Variants in EIF3H observed in about 807,000 individuals in gnomAD.
EIF3H encodes eukaryotic translation initiation factor 3 subunit H, also known as eIF-3-gamma.
In EIF3H, 26 loss-of-function variants were observed where a neutral mutation model predicts 44.2. That is an observed-to-expected ratio of 0.59 (90% CI 0.43 to 0.82). EIF3H has a LOEUF of 0.82. EIF3H is among the 40% of genes least tolerant of loss of function. The pLI is 0.00. For synonymous variants in EIF3H, 166 were observed against 151.9 expected, an observed-to-expected ratio of 1.09 and a Z score of -0.68; for missense variants, 359 against 432.8, an observed-to-expected ratio of 0.83 and a Z score of 1.51.
At chr8:116,664,209 A>T (rs1191651024) in intron 2 of EIF3H, among the ~76,000 whole-genome samples, 1 of 152,196 alleles carries the variant, frequency 6.6e-6, no homozygotes, top group African/African-American at 2.4e-5. Context: ...TCTTTGCAAA[A>T]CAGTCCATTT....
chr8:116,713,004 G>A (rs942428957), intron 2 of EIF3H, among the ~76,000 whole-genome samples: 28 of 151,956 alleles, frequency 1.8e-4, no homozygotes, highest in Non-Finnish European at 2.4e-4. Flanking sequence ...CTGTAATTGT[G>A]ACTTTTTGAC....
At chr8:116,660,800 C>A (rs150798127) in intron 2 of EIF3H, among the ~76,000 whole-genome samples, 3 of 152,268 alleles carry the variant, frequency 2.0e-5, no homozygotes, top group East Asian at 3.9e-4. Flanking sequence ...AGATACCAGA[C>A]ACCAGACACT....
intron 3 of EIF3H, 71 bp from the exon 4 acceptor site, chr8:116,657,385 G>T: frequency 1.8e-6 from 2 of 1,132,392 alleles, no homozygotes; most frequent in South Asian, 1.3e-5. Flanking sequence ...ATTGGTTCTA[G>T]GCACATTCTG....
intron 1 of EIF3H, among the ~76,000 whole-genome samples, chr8:116,744,184 G>A (rs964644318): frequency 9.5e-5 from 14 of 147,194 alleles, no homozygotes; most frequent in East Asian, 3.9e-4. Context: ...ATCAGATGGC[G>A]ACAGGGAGAG....
chr8:116,743,187 C>T (rs936579388), intron 1 of EIF3H, among the ~76,000 whole-genome samples: 1 of 152,190 alleles, frequency 6.6e-6, no homozygotes, highest in Non-Finnish European at 1.5e-5. Flanking sequence ...TGGTGGCTCA[C>T]ACCTGTAATA....
chr8:116,749,660 CTGTATT>C (rs1201187398), intron 1 of EIF3H, among the ~76,000 whole-genome samples: 1 of 152,134 alleles, frequency 6.6e-6, no homozygotes, highest in Non-Finnish European at 1.5e-5. Context: ...TTTAACTCAT[CTGTATT>C]TGTTACAACT....
At chr8:116,656,936 CT>C (rs1450310998) in intron 4 of EIF3H, among the ~76,000 whole-genome samples, 4 of 152,212 alleles carry the variant, frequency 2.6e-5, no homozygotes, top group Non-Finnish European at 4.4e-5. Flanking sequence ...CTCTTTCCAC[CT>C]CCCTTTATTC....
intron 2 of EIF3H, among the ~76,000 whole-genome samples, chr8:116,673,895 C>T (rs1180021224): frequency 6.6e-6 from 1 of 151,658 alleles, no homozygotes; most frequent in Non-Finnish European, 1.5e-5. Context: ...ATGGTGAAAC[C>T]CCGTCGCTAC....
intron 2 of EIF3H, among the ~76,000 whole-genome samples, chr8:116,689,883 T>C (rs1814144187): frequency 6.6e-6 from 1 of 152,250 alleles, no homozygotes; most frequent in Middle Eastern, 3.4e-3. Flanking sequence ...AATGGCACAA[T>C]AGGAAAAGTA....
intron 2 of EIF3H, among the ~76,000 whole-genome samples, chr8:116,700,981 G>A (rs1032593819): frequency 6.6e-6 from 1 of 152,094 alleles, no homozygotes; most frequent in Non-Finnish European, 1.5e-5. Context: ...AATTTATATT[G>A]TTAAATTACT....
intron 2 of EIF3H, chr8:116,689,255 G>C: frequency 3.5e-6 from 1 of 285,670 alleles, no homozygotes; most frequent in Non-Finnish European, 7.2e-6. Context: ...ATGTAGATTT[G>C]AGGATACCAG....
intron 2 of EIF3H, among the ~76,000 whole-genome samples, chr8:116,686,020 C>A (rs988385167): frequency 6.6e-6 from 1 of 152,066 alleles, no homozygotes; most frequent in Non-Finnish European, 1.5e-5. Context: ...CATTAGTACC[C>A]ATGAAAAAGA....
chr8:116,757,698 C>A (rs1815472881), upstream of EIF3H, among the ~76,000 whole-genome samples: 1 of 151,360 alleles, frequency 6.6e-6, no homozygotes, highest in Non-Finnish European at 1.5e-5. Context: ...CAATCTTAAG[C>A]CCAAATATAT....
intron 2 of EIF3H, among the ~76,000 whole-genome samples, chr8:116,719,874 G>A (rs995297538): frequency 1.1e-4 from 16 of 152,030 alleles, no homozygotes; most frequent in Admixed American, 5.2e-4. Flanking sequence ...TTTCAGATAC[G>A]GAATAATGAC....
At chr8:116,682,601 T>G (rs975670209) in intron 2 of EIF3H, among the ~76,000 whole-genome samples, 7 of 152,220 alleles carry the variant, frequency 4.6e-5, no homozygotes, top group Non-Finnish European at 1.0e-4. Flanking sequence ...ATACTCTGGT[T>G]AAATTACTCA....
intron 1 of EIF3H, among the ~76,000 whole-genome samples, chr8:116,754,217 G>C (rs191346261): frequency 6.6e-6 from 1 of 151,936 alleles, no homozygotes; most frequent in African/African-American, 2.4e-5. Context: ...AGGTTCAAGC[G>C]ATTCTCCCGC....
intron 5 of EIF3H, among the ~76,000 whole-genome samples, chr8:116,653,348 A>AACACACACACACACACACAC (rs771922316): frequency 0.081 from 11,696 of 144,514 alleles, 660 homozygotes; most frequent in African/African-American, 0.16. Flanking sequence ...AACAATCAGA[A>AACACACACACACACACACAC]ACACACACAC....
Position 116,713,126 on chromosome 8 carries a change from T to C in EIF3H, c.289+12890A>G, listed in dbSNP as rs1814602875. 2.0e-5 allele frequency among the ~76,000 whole-genome samples: 3 copies of C among 152,172 alleles called. No homozygotes were observed. The South Asian group carries it at 6.2e-4, about 31-fold the overall frequency. On this transcript the variant is annotated intron_variant, in intron 2 of 7. Transcript: ENST00000521861. Reference sequence around the variant, plus strand: ...TGTGGGTCAAAAGTAAGACAGTTTTTATTTAATTAAAATTTAAACCACTGG... The same window carrying C: ...TGTGGGTCAAAAGTAAGACAGTTTTCATTTAATTAAAATTTAAACCACTGG...
intron 2 of EIF3H, among the ~76,000 whole-genome samples, chr8:116,685,277 C>T (rs1339102694): frequency 1.3e-5 from 2 of 152,140 alleles, no homozygotes; most frequent in African/African-American, 4.8e-5. Context: ...ATGTCTGCTA[C>T]TAAGGTTAGT....
Sources: allele counts gnomAD v4.1 joint callset (sites outside exome capture counted in the v4.1 genomes callset), GRCh38; gene constraint gnomAD v4.1.1; transcripts MANE v1.5; gene names NCBI Gene and HGNC (gene_info 2026-07-23, HGNC 2026-07-21).